PRUNE1: variants seen among roughly 807,000 people sequenced by gnomAD.
The protein encoded by PRUNE1 is prune exopolyphosphatase 1, also known as exopolyphosphatase PRUNE1.
PRUNE1 carries 25 observed loss-of-function variants against 42.5 expected under a neutral mutation model. The observed-to-expected ratio is 0.59, with a 90% CI of 0.43 to 0.82. PRUNE1 has a LOEUF of 0.82. Ranked by LOEUF, PRUNE1 falls within the 40% of genes least tolerant of loss-of-function variation. The pLI is 0.00. For missense variants in PRUNE1, 443 were observed against 539.3 expected, an observed-to-expected ratio of 0.82 and a Z score of 1.77; for synonymous variants, 203 against 217.1, an observed-to-expected ratio of 0.93 and a Z score of 0.57.
intron 1 of PRUNE1, among the ~76,000 whole-genome samples, chr1:151,013,404 G>A (rs1267148484): frequency 6.6e-6 from 1 of 152,166 alleles, no homozygotes; most frequent in African/African-American, 2.4e-5. Flanking sequence ...TTGGCTGAGC[G>A]CAAGGGGTTC....
At chr1:151,017,382 G>A (rs181395096) in intron 1 of PRUNE1, among the ~76,000 whole-genome samples, 1 of 152,210 alleles carries the variant, frequency 6.6e-6, no homozygotes, top group Admixed American at 6.6e-5. Context: ...ATGGAATGAG[G>A]ACCCATTAGA....
chr1:151,009,277 C>A (rs1470593730), intron 1 of PRUNE1, among the ~76,000 whole-genome samples: 1 of 152,176 alleles, frequency 6.6e-6, no homozygotes, highest in Non-Finnish European at 1.5e-5. Flanking sequence ...ATTTGTTGAC[C>A]CACAACCAGC....
At chr1:151,032,918 T>G (rs1043380216) in intron 7 of PRUNE1, among the ~76,000 whole-genome samples, 2 of 139,450 alleles carry the variant, frequency 1.4e-5, no homozygotes, top group Non-Finnish European at 3.1e-5. Context: ...GGATTACAGG[T>G]GTGAACCACC....
intron 3 of PRUNE1, among the ~76,000 whole-genome samples, chr1:151,021,941 T>C (rs1294601383): frequency 6.6e-6 from 1 of 151,232 alleles, no homozygotes; most frequent in Non-Finnish European, 1.5e-5. Context: ...GTGCTGGGAT[T>C]ACAGGTATGA....
intron 1 of PRUNE1, among the ~76,000 whole-genome samples, chr1:151,013,331 A>G (rs1673897949): frequency 6.6e-6 from 1 of 152,174 alleles, no homozygotes; most frequent in South Asian, 2.1e-4. Flanking sequence ...CTCCAGTTCC[A>G]AGATTTGCTA....
At chr1:151,014,533 G>T (rs1184733205) in intron 1 of PRUNE1, among the ~76,000 whole-genome samples, 1 of 152,204 alleles carries the variant, frequency 6.6e-6, no homozygotes, top group African/African-American at 2.4e-5. Flanking sequence ...TCCAGTGGGG[G>T]AAGAGAAGAG....
At chr1:151,026,458 C>CA (rs200469208) in intron 5 of PRUNE1, among the ~76,000 whole-genome samples, 30 of 145,760 alleles carry the variant, frequency 2.1e-4, no homozygotes, top group East Asian at 8.0e-4. Flanking sequence ...AACTCCGTCT[C>CA]AAAAAAAAAC....
At position 151,033,430 on chromosome 1, in the gene PRUNE1, G is replaced by A. The variant is rs187525793; in HGVS notation, c.934-376G>A. Among the ~76,000 whole-genome samples, 469 of 130,580 alleles carry A rather than the reference G, an allele frequency of 3.6e-3. 2 individuals carry two copies. Among genetic ancestry groups the A allele is most frequent in the African/African-American group, 0.013 (443 of 33,212 alleles). The allele number at this position is 130,580 out of a possible 152,430, so 85.7% of individuals were successfully genotyped here. A position where few individuals can be genotyped will look rare whatever the true frequency, so the allele number is the denominator to read the frequency against. On this transcript the variant is annotated intron_variant, in intron 7 of 7. Transcript: ENST00000271620. Reference sequence around the variant, plus strand: ...TTTTGAGATGCAGTGTTGCTCTGTCGCCCAGGCTGGAGTGCAGTGGCGCGA... The same window carrying A: ...TTTTGAGATGCAGTGTTGCTCTGTCACCCAGGCTGGAGTGCAGTGGCGCGA...
chr1:151,022,865 T>C (rs587739064), intron 3 of PRUNE1: 1 of 152,296 alleles, frequency 6.6e-6, no homozygotes, highest in East Asian at 1.9e-4. Flanking sequence ...ATCTCAGTCT[T>C]GAAAGAGGAC....
intron 1 of PRUNE1, among the ~76,000 whole-genome samples, chr1:151,016,414 G>T (rs1674105189): frequency 6.6e-6 from 1 of 152,118 alleles, no homozygotes; most frequent in Admixed American, 6.6e-5. Context: ...TGAGAATAAT[G>T]CCTGGCACAT....
Position 151,035,704 on chromosome 1 carries a change from T to G in PRUNE1, c.*1470T>G, listed in dbSNP as rs1184245206. ...CATTTTGTTATACTATTAAATAATT[T>G]TTTCCTGTTTGGGGGTCTTACTGTC... On this transcript the variant is annotated 3_prime_UTR_variant, in exon 8 of 8. Transcript: ENST00000271620. 2 of 152,646 alleles carry G rather than the reference T, an allele frequency of 1.3e-5. No homozygotes were observed. The highest frequency in any genetic ancestry group is 4.8e-5 in the African/African-American group (2 of 41,446). 9.5% of individuals were successfully genotyped at this position (152,646 alleles called of 1,614,324 possible). A position where few individuals can be genotyped will look rare whatever the true frequency, so the allele number is the denominator to read the frequency against.
At chr1:151,013,323 C>T (rs781028866) in intron 1 of PRUNE1, among the ~76,000 whole-genome samples, 1 of 152,160 alleles carries the variant, frequency 6.6e-6, no homozygotes, top group Non-Finnish European at 1.5e-5. Context: ...CTTGGTCACT[C>T]CAGTTCCAAG....
In PRUNE1 at chr1:151,027,309, A is replaced by G. The variant is rs1674909882; in HGVS notation, c.756A>G (p.Ala252=). 1.2e-5 allele frequency: 20 copies of G among 1,606,714 alleles called. No individual in the cohort carries two copies. The highest frequency in any genetic ancestry group is 1.7e-5 in the Non-Finnish European group (20 of 1,173,492). The change falls in exon 6 of 8, where the codon GCA becomes GCG. Residue 252 remains alanine (A), a synonymous_variant. Coordinates refer to ENST00000271620, the MANE Select transcript of PRUNE1 (RefSeq NM_021222.3). ...AAGGCGTCAAGGTGGCCATTAGTGC[A>G]ATATATATGGATTTGGAGGTAAGAG... The part of the protein sequence containing the change: ...YRQGVKVAIS[A]IYMDLEAFLQ...
At chr1:151,033,323 G>C (rs587669813) in intron 7 of PRUNE1, among the ~76,000 whole-genome samples, 2 of 151,318 alleles carry the variant, frequency 1.3e-5, no homozygotes, top group African/African-American at 4.9e-5. Context: ...GACCTCAGGT[G>C]ATCGGCCCCC....
chr1:151,029,599 C>T (rs1256639513), intron 7 of PRUNE1, among the ~76,000 whole-genome samples: 1 of 151,596 alleles, frequency 6.6e-6, no homozygotes, highest in East Asian at 2.0e-4. Context: ...GATCTCCTGA[C>T]CTCGTGATCC....
intron 3 of PRUNE1, among the ~76,000 whole-genome samples, chr1:151,022,322 C>G (rs1045959555): frequency 6.6e-6 from 1 of 151,416 alleles, no homozygotes; most frequent in Non-Finnish European, 1.5e-5. Flanking sequence ...GTTGGCAAGG[C>G]TGGTCTCAAA....
chr1:151,031,782 T>G (rs1295801561), intron 7 of PRUNE1, among the ~76,000 whole-genome samples: 6 of 152,228 alleles, frequency 3.9e-5, no homozygotes, highest in African/African-American at 1.4e-4. Context: ...TTCAAGTTCT[T>G]GAGCACATTT....
intron 1 of PRUNE1, among the ~76,000 whole-genome samples, chr1:151,013,656 T>G (rs905894824): frequency 2.0e-5 from 3 of 152,182 alleles, no homozygotes; most frequent in Non-Finnish European, 2.9e-5. Context: ...TCCACTGCTC[T>G]TATGTTTTTC....
chr1:151,017,804 C>G lies in PRUNE1; in HGVS notation c.40-8C>G. On this transcript the variant is annotated splice_polypyrimidine_tract_variant and splice_region_variant and intron_variant, in intron 1 of 7. Coordinates refer to ENST00000271620, the MANE Select transcript of PRUNE1 (RefSeq NM_021222.3). ...TTTTGTTAGTTTCCCATTTTCCTTT[C>G]TCTCCAGGAGTCCCGACCTCTACAT... is the stretch of plus-strand genomic sequence containing the variant. 6.5e-7 allele frequency: 1 copy of G among 1,539,116 alleles called. No individual in the cohort carries two copies. The highest frequency in any genetic ancestry group is 1.4e-5 in the African/African-American group (1 of 72,994).
Sources: gnomAD v4.1 joint callset for allele counts (sites outside exome capture counted in the v4.1 genomes callset) on GRCh38, gnomAD v4.1.1 for gene constraint, MANE v1.5 for transcripts, NCBI Gene and HGNC (gene_info 2026-07-23, HGNC 2026-07-21) for gene names.